The following AOAH variants were observed in gnomAD, a reference collection of about 807,000 sequenced individuals.
The protein encoded by AOAH is acyloxyacyl hydrolase.
A neutral mutation model predicts 92.2 loss-of-function variants in AOAH; 64 were observed. The ratio of observed to expected loss-of-function variants is 0.69; its 90% confidence interval spans 0.57 to 0.86. The LOEUF (loss-of-function observed/expected upper bound fraction) is 0.86, where lower values mean the gene tolerates loss of function less well. AOAH is among the 40% of genes least tolerant of loss of function. The pLI, the probability that AOAH is intolerant of heterozygous loss-of-function variation, is 0.00. For synonymous variants in AOAH, 263 were observed against 254.5 expected (o/e 1.03, Z -0.32); for missense variants, 656 against 694.6 (o/e 0.94, Z 0.62).
At chr7:36,692,381 T>G (rs1273099026) in intron 1 of AOAH, among the ~76,000 whole-genome samples, 1 of 152,228 alleles carries the variant, frequency 6.6e-6, no homozygotes, top group South Asian at 2.1e-4. Flanking sequence ...CTTCTTTTAT[T>G]GCAGACAACT....
chr7:36,718,844 G>A (rs1799431088), intron 1 of AOAH, among the ~76,000 whole-genome samples: 1 of 152,262 alleles, frequency 6.6e-6, no homozygotes, highest in Non-Finnish European at 1.5e-5. Flanking sequence ...GCAGTGAAAT[G>A]TTCTGGAATT....
At chr7:36,649,185 G>A (rs1024387812) in intron 4 of AOAH, among the ~76,000 whole-genome samples, 5 of 152,278 alleles carry the variant, frequency 3.3e-5, no homozygotes, top group South Asian at 2.1e-4. Flanking sequence ...TGTGCTCTTC[G>A]ACATCGTGTT....
chr7:36,685,490 A>G (rs989694960), intron 2 of AOAH, among the ~76,000 whole-genome samples: 5 of 152,212 alleles, frequency 3.3e-5, no homozygotes, highest in Non-Finnish European at 7.3e-5. Flanking sequence ...ATGAAGCTAT[A>G]CATTTGCTTT....
chr7:36,598,249 T>G (rs559101284), intron 11 of AOAH: 1 of 152,324 alleles, frequency 6.6e-6, no homozygotes, highest in South Asian at 2.1e-4. Flanking sequence ...GAGTGGACAG[T>G]GGCTGGTGCT....
At chr7:36,648,367 C>T (rs1794362028) in intron 4 of AOAH, among the ~76,000 whole-genome samples, 1 of 152,072 alleles carries the variant, frequency 6.6e-6, no homozygotes, top group Non-Finnish European at 1.5e-5. Context: ...CCTAAATTTT[C>T]AGTCCTTTGA....
intron 6 of AOAH, among the ~76,000 whole-genome samples, chr7:36,631,767 C>T (rs185677794): frequency 9.2e-5 from 14 of 152,240 alleles, no homozygotes; most frequent in East Asian, 7.7e-4. Context: ...AGGCACTTGC[C>T]GGCAGTGAGC....
chr7:36,543,551 G>C (rs915683082), intron 15 of AOAH, among the ~76,000 whole-genome samples: 4 of 152,034 alleles, frequency 2.6e-5, no homozygotes, highest in Admixed American at 2.6e-4. Flanking sequence ...AGTTAAGATG[G>C]ACAAAGTCTC....
intron 19 of AOAH, 119 bp from the exon 20 acceptor site, chr7:36,522,234 C>G: frequency 1.3e-6 from 1 of 799,512 alleles, no homozygotes; most frequent in South Asian, 1.6e-5. Context: ...CAAGCCACGG[C>G]TGCCTCTGAG....
chr7:36,546,826 T>A (rs1446480834), intron 15 of AOAH, among the ~76,000 whole-genome samples: 1 of 152,210 alleles, frequency 6.6e-6, no homozygotes, highest in East Asian at 1.9e-4. Flanking sequence ...TGTTTCCTCT[T>A]CCATTAGCTC....
chr7:36,671,217 C>T (rs959427616), intron 3 of AOAH, among the ~76,000 whole-genome samples: 1 of 152,192 alleles, frequency 6.6e-6, no homozygotes, highest in East Asian at 1.9e-4. Flanking sequence ...TGTAATCATA[C>T]TTTTTTTAAA....
rs974259176 is a variant in AOAH, at chr7:36,588,353, T to C, written c.938+5986A>G. ...ACTTGTGGACCCCCTGAGAGGGTCTTAGAGACCCCACAGGGGTTCATGGAC... is the reference window on the plus strand; with the variant it reads ...ACTTGTGGACCCCCTGAGAGGGTCTCAGAGACCCCACAGGGGTTCATGGAC... On this transcript the variant is annotated intron_variant, in intron 12 of 20. Coordinates refer to ENST00000617537, the MANE Select transcript of AOAH (RefSeq NM_001637.4). Among the ~76,000 whole-genome samples the C allele has an allele frequency of 5.3e-5, 8 of 152,238 alleles. No homozygotes were observed. In the East Asian group the frequency reaches 1.5e-3, roughly 29 times the overall value.
At chr7:36,549,371 A>G in intron 14 of AOAH, 68 bp downstream of exon 14, 1 of 1,199,248 alleles carries the variant, frequency 8.3e-7, no homozygotes, top group Non-Finnish European at 1.2e-6. Context: ...ATGGGGTAAT[A>G]ACAGAGTTTT....
At position 36,532,319 on chromosome 7, in the gene AOAH, A is replaced by C; in HGVS notation, c.1332T>G (p.Tyr444Ter). 6.2e-7 allele frequency: 1 copy of C among 1,614,156 alleles called. No individual in the cohort carries two copies. Reference protein sequence around the residue: ...PLGQLNKDMTYAQLYSFLNCL... With the variant: ...PLGQLNKDMT ...AGTTCAGGAAGGAGTACAACTGCGC[A>C]TAGGTCATGTCTTTATTTAGCTGGC... The change falls in exon 17 of 21, where the codon TAT becomes TAG. Residue 444 changes from tyrosine (Y) to a stop codon, truncating the protein, a stop_gained. Transcript: ENST00000617537. LOFTEE classifies it high-confidence loss of function.
In AOAH at chr7:36,641,047, G is replaced by C. The variant is rs575658074; in HGVS notation, c.391-3137C>G. Among the ~76,000 whole-genome samples the C allele has an allele frequency of 2.0e-5, 3 of 152,260 alleles. No individual in the cohort carries two copies. The East Asian group carries it at 5.8e-4, about 29-fold the overall frequency. ...GCTTCTTAGGGGACCTGCAGCTTGA[G>C]CTAAGCTCCTACTCAAATCCCTCTT... On this transcript the variant is annotated intron_variant, in intron 4 of 20. Transcript: ENST00000617537.
At chr7:36,708,157 C>T (rs1018989775) in intron 1 of AOAH, among the ~76,000 whole-genome samples, 83 of 152,206 alleles carry the variant, frequency 5.5e-4, no homozygotes, top group South Asian at 2.1e-4. Context: ...CCTCCTCTCC[C>T]GGAACTCCCG....
intron 4 of AOAH, among the ~76,000 whole-genome samples, chr7:36,646,030 A>T (rs1794201379): frequency 6.6e-6 from 1 of 152,198 alleles, no homozygotes. Flanking sequence ...AAACAGCATT[A>T]TTCCCACCAA....
intron 16 of AOAH, among the ~76,000 whole-genome samples, chr7:36,536,408 G>A (rs1007568114): frequency 7.9e-5 from 12 of 151,890 alleles, no homozygotes; most frequent in African/African-American, 2.4e-4. Context: ...AGCACTGTTA[G>A]CACAACCCTT....
intron 3 of AOAH, among the ~76,000 whole-genome samples, chr7:36,662,489 G>C (rs1795278872): frequency 6.6e-6 from 1 of 152,230 alleles, no homozygotes; most frequent in Admixed American, 6.5e-5. Context: ...CCAGGGGTCA[G>C]TAAATCGAGA....
chr7:36,652,650 G>A (rs115725134), intron 4 of AOAH, among the ~76,000 whole-genome samples: 407 of 152,320 alleles, frequency 2.7e-3, no homozygotes, highest in African/African-American at 9.3e-3. Context: ...ACCCTGATAG[G>A]ATGTGATGAA....
Sources: gnomAD v4.1 joint callset for allele counts (sites outside exome capture counted in the v4.1 genomes callset) on GRCh38, gnomAD v4.1.1 for gene constraint, MANE v1.5 for transcripts, NCBI Gene and HGNC (gene_info 2026-07-23, HGNC 2026-07-21) for gene names.